The following RETREG1 variants were observed in gnomAD, a reference collection of about 807,000 sequenced individuals.
RETREG1 encodes the protein family with sequence similarity 134 member B.
A neutral mutation model predicts 54.8 loss-of-function variants in RETREG1; 44 were observed. The observed-to-expected ratio is 0.80, with a 90% CI of 0.63 to 1.03. The LOEUF (loss-of-function observed/expected upper bound fraction) is 1.03. Among genes scored for constraint, RETREG1 ranks in the 50% least tolerant of loss-of-function variants. RETREG1 has a pLI of 0.00. For missense variants in RETREG1, 554 were observed against 605.1 expected (o/e 0.92, Z 0.89); for synonymous variants, 217 against 238.5 (o/e 0.91, Z 0.83).
intron 1 of RETREG1, among the ~76,000 whole-genome samples, chr5:16,596,973 T>C (rs1004981164): frequency 1.6e-4 from 24 of 152,204 alleles, no homozygotes; most frequent in African/African-American, 5.8e-4. Context: ...TCTGGCTGAT[T>C]CTCTGCTTAC....
chr5:16,500,191 C>T (rs1739644337), intron 3 of RETREG1, among the ~76,000 whole-genome samples: 1 of 152,142 alleles, frequency 6.6e-6, no homozygotes, highest in African/African-American at 2.4e-5. Flanking sequence ...GGGCTTCTCC[C>T]AGGGACAGCT....
At chr5:16,498,341 A>C (rs1340091875) in intron 3 of RETREG1, among the ~76,000 whole-genome samples, 1 of 152,232 alleles carries the variant, frequency 6.6e-6, no homozygotes, top group Non-Finnish European at 1.5e-5. Flanking sequence ...TGAATACTGC[A>C]GGCAATTTTA....
At chr5:16,606,928 C>T (rs1307350928) in intron 1 of RETREG1, among the ~76,000 whole-genome samples, 2 of 152,144 alleles carry the variant, frequency 1.3e-5, no homozygotes, top group African/African-American at 2.4e-5. Context: ...TCACCCAGCC[C>T]CAGCCACAAT....
rs1443856520 is a variant in RETREG1, at chr5:16,561,576, T to C, written c.458+4187A>G. Reference sequence around the variant, plus strand: ...ATGGTATTTCCAGTAGCCTGCCTTCTCTGGGACATGTGAGCACTTCCCCAA... The same window carrying C: ...ATGGTATTTCCAGTAGCCTGCCTTCCCTGGGACATGTGAGCACTTCCCCAA... On this transcript the variant is annotated intron_variant, in intron 3 of 8. Transcript: ENST00000306320. The surrounding 1 kb of genome is among the most constrained non-coding windows in gnomAD (Gnocchi z 4.2). 6.6e-6 allele frequency among the ~76,000 whole-genome samples: 1 copy of C among 152,152 alleles called. No individual in the cohort carries two copies. Among genetic ancestry groups the C allele is most frequent in the East Asian group, 1.9e-4 (1 of 5,188 alleles).
At chr5:16,532,813 TAAC>T (rs1177667167) in intron 3 of RETREG1, among the ~76,000 whole-genome samples, 1 of 152,148 alleles carries the variant, frequency 6.6e-6, no homozygotes, top group African/African-American at 2.4e-5. Context: ...TGTAAAAGAA[TAAC>T]AACAACTTTG....
chr5:16,610,244 C>A (rs1199861264), intron 1 of RETREG1, among the ~76,000 whole-genome samples: 7 of 152,180 alleles, frequency 4.6e-5, no homozygotes, highest in Non-Finnish European at 1.0e-4. Context: ...GCCTGAGACG[C>A]CTGAAAAGTC....
intron 3 of RETREG1, among the ~76,000 whole-genome samples, chr5:16,549,325 G>A (rs991962): frequency 0.34 from 51,551 of 151,978 alleles, 10,223 homozygotes; most frequent in Non-Finnish European, 0.44. Context: ...TACACAGAGA[G>A]CACAAACAAA....
chr5:16,538,704 T>C (rs1741149437), intron 3 of RETREG1, among the ~76,000 whole-genome samples: 2 of 132,668 alleles, frequency 1.5e-5, no homozygotes, highest in Admixed American at 1.5e-4. Context: ...TCTTTCATTC[T>C]TTTTTTTTTT....
intron 3 of RETREG1, chr5:16,508,983 G>C: frequency 3.9e-6 from 4 of 1,026,290 alleles, no homozygotes; most frequent in Non-Finnish European, 4.7e-6. Context: ...CGCTCAGCCA[G>C]TAACCTTCAT....
At chr5:16,525,774 A>G (rs975236966) in intron 3 of RETREG1, among the ~76,000 whole-genome samples, 10 of 149,476 alleles carry the variant, frequency 6.7e-5, no homozygotes, top group Non-Finnish European at 1.3e-4. Flanking sequence ...ACAGAGAGGG[A>G]GAGAGAGATT....
chr5:16,595,911 T>A (rs1318737163), intron 1 of RETREG1, among the ~76,000 whole-genome samples: 3 of 152,174 alleles, frequency 2.0e-5, no homozygotes, highest in Non-Finnish European at 2.9e-5. Flanking sequence ...ACAGTAAAGT[T>A]CCCACACTGA....
At position 16,480,987 on chromosome 5, in the gene RETREG1, C is replaced by T. The variant is rs769828025; in HGVS notation, c.670+22G>A. 6.6e-6 allele frequency: 10 copies of T among 1,526,092 alleles called. No homozygotes were observed. In the Admixed American group the frequency reaches 1.0e-4, roughly 15 times the overall value. The allele number at this position is 1,526,092 out of a possible 1,614,324, so 94.5% of individuals were successfully genotyped here. Reference sequence around the variant, plus strand: ...ATACCATATGCATCACAACACTTAGCCATATGTTCTACTATACTTACACAG... The same window carrying T: ...ATACCATATGCATCACAACACTTAGTCATATGTTCTACTATACTTACACAG... On this transcript the variant is annotated intron_variant, in intron 5 of 8. Transcript: ENST00000306320.
chr5:16,589,555 G>T (rs796407625), intron 1 of RETREG1, among the ~76,000 whole-genome samples: 1 of 152,032 alleles, frequency 6.6e-6, no homozygotes, highest in Admixed American at 6.6e-5. Context: ...TAGTAGAGAC[G>T]GGGCTTCACC....
intron 1 of RETREG1, among the ~76,000 whole-genome samples, chr5:16,601,922 T>C (rs1370788990): frequency 6.6e-6 from 1 of 152,180 alleles, no homozygotes; most frequent in African/African-American, 2.4e-5. Flanking sequence ...CCAGCTCAAG[T>C]GCAACACTGG....
rs1413389400 is a variant in RETREG1, at chr5:16,581,521, AACACAACACAC to A, written c.321-9430_321-9420del. On this transcript the variant is annotated intron_variant, in intron 1 of 8. Coordinates refer to ENST00000306320, the MANE Select transcript of RETREG1 (RefSeq NM_001034850.3). ...CCTTAAAATACTTTTTAAGTTCAGA[AACACAACACAC>A]ACACACACACACACACACACACACA... Among the ~76,000 whole-genome samples, 725 of 85,222 alleles carry A rather than the reference AACACAACACAC, an allele frequency of 8.5e-3. 6 individuals are homozygous for A. Among genetic ancestry groups the A allele is most frequent in the African/African-American group, 0.022 (672 of 30,606 alleles). 55.9% of individuals were successfully genotyped at this position (85,222 alleles called of 152,430 possible).
At position 16,593,397 on chromosome 5, in the gene RETREG1, G is replaced by A. The variant is rs970306855; in HGVS notation, c.321-21295C>T. On this transcript the variant is annotated intron_variant, in intron 1 of 8. Transcript: ENST00000306320. The surrounding 1 kb of genome is among the most constrained non-coding windows in gnomAD (Gnocchi z 4.9). ...ACTGTCACCCAAGCACTAGGTCTCT[G>A]CATGCCAATCACAGGCACTCAATAA... is the stretch of plus-strand genomic sequence containing the variant. Among the ~76,000 whole-genome samples, 1 of 152,118 alleles carries A rather than the reference G, an allele frequency of 6.6e-6. No homozygotes were observed. The highest frequency in any genetic ancestry group is 2.4e-5 in the African/African-American group (1 of 41,396).
chr5:16,548,623 G>A (rs571553994), intron 3 of RETREG1, among the ~76,000 whole-genome samples: 1 of 152,302 alleles, frequency 6.6e-6, no homozygotes, highest in Non-Finnish European at 1.5e-5. Context: ...GAGTCATAAT[G>A]TATTCATTAT....
chr5:16,506,646 A>G (rs979276760), intron 3 of RETREG1, among the ~76,000 whole-genome samples: 10 of 152,106 alleles, frequency 6.6e-5, no homozygotes, highest in African/African-American at 2.2e-4. Flanking sequence ...TTGGCCTTCC[A>G]AAGTGCTGGG....
chr5:16,550,859 G>A (rs770465527), intron 3 of RETREG1, among the ~76,000 whole-genome samples: 37 of 152,220 alleles, frequency 2.4e-4, no homozygotes, highest in South Asian at 6.2e-4. Context: ...TAATTCATAT[G>A]TTGCATGATT....
Sources: allele counts gnomAD v4.1 joint callset (sites outside exome capture counted in the v4.1 genomes callset), GRCh38; gene constraint gnomAD v4.1.1; non-coding constraint Gnocchi (gnomAD v3.1); transcripts MANE v1.5; gene names NCBI Gene and HGNC (gene_info 2026-07-23, HGNC 2026-07-21).